The following CYP17A1 variants were observed in gnomAD, a reference collection of about 807,000 sequenced individuals.
The protein encoded by CYP17A1 is cytochrome P450 family 17 subfamily A member 1.
A neutral mutation model predicts 38.5 loss-of-function variants in CYP17A1; 27 were observed. That is an observed-to-expected ratio of 0.70 (90% CI 0.52 to 0.97). CYP17A1 has a LOEUF of 0.97. Among genes scored for constraint, CYP17A1 ranks in the 50% least tolerant of loss-of-function variants. The probability of loss-of-function intolerance (pLI) is 0.00; values close to 1 mark genes in which losing one functional copy is unlikely to be tolerated. For synonymous variants in CYP17A1, 263 were observed against 253.3 expected, an observed-to-expected ratio of 1.04 and a Z score of -0.36; for missense variants, 549 against 645.9, an observed-to-expected ratio of 0.85 and a Z score of 1.63.
At chr10:102,835,056 C>CCCTT in intron 2 of CYP17A1, 42 bp from the exon 3 acceptor site, 4 of 1,275,180 alleles carry the variant, frequency 3.1e-6, no homozygotes, top group Non-Finnish European at 4.5e-6. Context: ...TGAATCAGCA[C>CCCTT]CCTTACCCCC....
intron 2 of CYP17A1, 96 bp from the exon 3 acceptor site, chr10:102,835,110 C>A (rs1844143149): frequency 1.9e-6 from 2 of 1,073,546 alleles, no homozygotes; most frequent in African/African-American, 1.5e-5. Context: ...GGACAGATAG[C>A]AGATGGCCAC....
intron 4 of CYP17A1, 75 bp from the exon 5 acceptor site, chr10:102,833,283 C>G: frequency 6.2e-7 from 1 of 1,610,364 alleles, no homozygotes; most frequent in South Asian, 1.1e-5. Flanking sequence ...ACTTCTGTCC[C>G]TGACTAGAGA....
In CYP17A1 at chr10:102,834,095, AT is replaced by A; in HGVS notation, c.693del (p.Lys231AsnfsTer2). 3 of 1,325,768 alleles carry A rather than the reference AT, an allele frequency of 2.3e-6. No individual in the cohort carries two copies. Among genetic ancestry groups the A allele is most frequent in the Non-Finnish European group, 3.3e-6 (3 of 916,706 alleles). 82.1% of individuals were successfully genotyped at this position (1,325,768 alleles called of 1,614,324 possible). On this transcript the variant is annotated frameshift_variant, in exon 4 of 8. Transcript: ENST00000369887. LOFTEE classifies it high-confidence loss of function. ...LKIFPNKTLE[K>X]LKSHVKIRND... is the part of the protein sequence containing the mutation. ...TTTCGTATTTTAACATGGCTCTTTA[AT>A]TTTTCCAGGGTTTTGTTGGGGAAAA... is the stretch of plus-strand genomic sequence containing the variant.
At chr10:102,834,570 CATT>C (rs776244829) in intron 3 of CYP17A1, 1 of 638,476 alleles carries the variant, frequency 1.6e-6, no homozygotes, top group Non-Finnish European at 2.7e-6. Context: ...AAATGAAGGT[CATT>C]ATCTGGAGTA....
At position 102,831,497 on chromosome 10, in the gene CYP17A1, G is replaced by C; in HGVS notation, c.1243+11C>G. 6.2e-7 allele frequency: 1 copy of C among 1,613,752 alleles called. No homozygotes were observed. Among genetic ancestry groups the C allele is most frequent in the Non-Finnish European group, 8.5e-7 (1 of 1,180,014 alleles). On this transcript the variant is annotated intron_variant, in intron 7 of 7. Coordinates refer to ENST00000369887, the MANE Select transcript of CYP17A1 (RefSeq NM_000102.4). Reference sequence around the variant, plus strand: ...CTGTGTGGCCCAGGGCGCAGGACAGGACAGACTCACCAGGCATGAACTGAT... The same window carrying C: ...CTGTGTGGCCCAGGGCGCAGGACAGCACAGACTCACCAGGCATGAACTGAT...
intron 6 of CYP17A1, 184 bp from the exon 7 acceptor site, chr10:102,831,795 C>T (rs769944667): frequency 9.1e-7 from 1 of 1,103,298 alleles, no homozygotes; most frequent in Non-Finnish European, 1.3e-6. Context: ...CATCCCTTCC[C>T]TCCTAACAGG....
rs758961949 is a variant in CYP17A1, at chr10:102,835,377, C to T, written c.313G>A (p.Ala105Thr). 5 of 1,613,046 alleles carry T rather than the reference C, an allele frequency of 3.1e-6. No individual in the cohort carries two copies. The South Asian group carries it at 4.4e-5, about 14-fold the overall frequency. Residue 105 changes from alanine to threonine, a missense_variant, in exon 2 of 8, where the codon GCG (alanine) becomes ACG (threonine). Physicochemically the swap from Ala to Thr is moderately conservative, Grantham distance 58 (BLOSUM62 0). Around this residue, in one of 3 missense-constraint regions of CYP17A1, gnomAD observed 289 missense variants for 320.9 expected, o/e 0.90. Transcript: ENST00000369887. ...GCGATACCCTTACGGTTGTTGGACG[C>T]GATGTCTAGAGTTGCCTTTAGAGAG... ...GRPQMATLDI[A>T]SNNRKGIAFA...
chr10:102,835,141 GA>G, intron 2 of CYP17A1, 112 bp downstream of exon 2: 2 of 1,153,864 alleles, frequency 1.7e-6, no homozygotes, highest in Non-Finnish European at 2.6e-6. Flanking sequence ...CAGTAGCCAA[GA>G]AAAGGCTGCA....
chr10:102,835,233 A>C, intron 2 of CYP17A1, 21 bp downstream of exon 2: 1 of 1,606,376 alleles, frequency 6.2e-7, no homozygotes, highest in Non-Finnish European at 8.5e-7. Context: ...CCCCAGCCCC[A>C]GGGGCCAGCC....
rs202192337 is a variant in CYP17A1 at position 102,837,051 on chromosome 10, T to C, written c.297+14A>G. The C allele has an allele frequency of 5.3e-5, 80 of 1,522,556 alleles. No individual in the cohort carries two copies. The Middle Eastern group carries it at 6.2e-4, about 12-fold the overall frequency. The allele number at this position is 1,522,556 out of a possible 1,614,324, so 94.3% of individuals were successfully genotyped here. Reference sequence around the variant, plus strand: ...GGTGGTGAAGGGGGCAGGGAGGAGATGGGCACCACTTACCATTTGAGGCCG... The same window carrying C: ...GGTGGTGAAGGGGGCAGGGAGGAGACGGGCACCACTTACCATTTGAGGCCG... On this transcript the variant is annotated intron_variant, in intron 1 of 7. Coordinates refer to ENST00000369887, the MANE Select transcript of CYP17A1 (RefSeq NM_000102.4).
In CYP17A1 at chr10:102,833,078, G is replaced by A; in HGVS notation, c.884C>T (p.Thr295Ile). ...ELLSDNHILT[T>I]IGDIFGAGVE... is the part of the protein sequence containing the mutation. ...GCCAGCCCCAAAGATGTCCCCTATG[G>A]TGGTGAGAATGTGGTTATCTGAAAG... The change falls in exon 5 of 8, where the codon ACC (threonine) becomes ATC (isoleucine). Residue 295 changes from threonine to isoleucine, a missense_variant. By Grantham distance (89) the Thr-to-Ile change is moderately conservative. Coordinates refer to ENST00000369887, the MANE Select transcript of CYP17A1 (RefSeq NM_000102.4). The A allele has an allele frequency of 1.2e-6, 2 of 1,614,192 alleles. No individual in the cohort carries two copies. The highest frequency in any genetic ancestry group is 8.5e-7 in the Non-Finnish European group (1 of 1,180,024).
chr10:102,834,364 A>T (rs979764198), intron 3 of CYP17A1: 1 of 565,736 alleles, frequency 1.8e-6, no homozygotes, highest in Non-Finnish European at 3.3e-6. Flanking sequence ...TCAATCAAAC[A>T]TCAAGCGCTG....
intron 7 of CYP17A1, among the ~76,000 whole-genome samples, 171 bp downstream of exon 7, chr10:102,831,337 C>G (rs755733484): frequency 5.3e-5 from 8 of 152,120 alleles, no homozygotes; most frequent in Non-Finnish European, 8.8e-5. Flanking sequence ...GGAAACCCAG[C>G]TGTGAAGAGT....
chr10:102,830,714 C>T lies in CYP17A1; in HGVS notation c.1515G>A (p.Glu505=), dbSNP rs771156995. The change falls in exon 8 of 8, where the codon GAG becomes GAA. Residue 505 remains glutamate, a synonymous_variant. Coordinates refer to ENST00000369887, the MANE Select transcript of CYP17A1 (RefSeq NM_000102.4). This position sits in a 1 kb window ranked among gnomAD's most constrained non-coding sequence, Gnocchi z 4.1. ...TGAGTTACAGCCTTTAGGTGCTACC[C>T]TCAGCCTGGGCTTCCCTCCAGGCCT... ...VRQAWREAQA[E]GST The T allele has an allele frequency of 1.3e-6, 2 of 1,593,796 alleles. No homozygotes were observed. The highest frequency in any genetic ancestry group is 3.4e-5 in the Admixed American group (2 of 59,166).
rs121434319 is a variant in CYP17A1 at position 102,837,199 on chromosome 10, TGAA to T, written c.160_162del (p.Phe54del). 1.3e-5 allele frequency: 21 copies of T among 1,608,206 alleles called. No homozygotes were observed. The South Asian group carries it at 2.1e-4, about 16-fold the overall frequency. On this transcript the variant is annotated inframe_deletion, in exon 1 of 8. Transcript: ENST00000369887. ...ATGGGGCCATATTTTTTCTGCAGCT[TGAA>T]GAAGTTGTTATGCATATGGCCGTGT... is the stretch of plus-strand genomic sequence containing the variant.
Position 102,830,913 on chromosome 10 carries a change from G to T in CYP17A1, c.1316C>A (p.Pro439His). Reference sequence around the variant, plus strand: ...CAGGATCTCACCTATACAGGAGCGAGGTCCTGCTCCGAAGGGCAAATAGCT... The same window carrying T: ...CAGGATCTCACCTATACAGGAGCGATGTCCTGCTCCGAAGGGCAAATAGCT... ...SVSYLPFGAG[P>H]RSCIGEILAR... The change falls in exon 8 of 8, where the codon CCT becomes CAT. Residue 439 changes from proline (P) to histidine (H), a missense_variant. Coordinates refer to ENST00000369887, the MANE Select transcript of CYP17A1 (RefSeq NM_000102.4). This position sits in a 1 kb window ranked among gnomAD's most constrained non-coding sequence, Gnocchi z 4.1. The T allele has an allele frequency of 6.3e-7, 1 of 1,575,568 alleles. No individual in the cohort carries two copies. Among genetic ancestry groups the T allele is most frequent in the Admixed American group, 1.8e-5 (1 of 56,072 alleles).
In CYP17A1 at chr10:102,837,127, G is replaced by C. The variant is rs370973897; in HGVS notation, c.235C>G (p.His79Asp). ...ATAAGCACCTCCTTGGCCAGCTGGT[G>C]GTGGCCGACAATCACTGTAGTCTTG... ...GTKTTVIVGHHQLAKEVLIKK... is the reference protein window; with the variant it reads ...GTKTTVIVGHDQLAKEVLIKK... Residue 79 changes from histidine (H) to aspartate (D), a missense_variant, in exon 1 of 8, where the codon CAC becomes GAC. Coordinates refer to ENST00000369887, the MANE Select transcript of CYP17A1 (RefSeq NM_000102.4). 1.2e-5 allele frequency: 19 copies of C among 1,605,044 alleles called. No individual in the cohort carries two copies. Among genetic ancestry groups the C allele is most frequent in the African/African-American group, 4.0e-5 (3 of 74,752 alleles).
In CYP17A1 at chr10:102,833,034, C is replaced by G. The variant is rs1844112722; in HGVS notation, c.928G>C (p.Val310Leu). 1.2e-6 allele frequency: 2 copies of G among 1,614,190 alleles called. No individual in the cohort carries two copies. The highest frequency in any genetic ancestry group is 1.7e-6 in the Non-Finnish European group (2 of 1,180,038). Reference protein sequence around the residue: ...FGAGVETTTSVVKWTLAFLLH... With the variant: ...FGAGVETTTSLVKWTLAFLLH... ...AGGAAGGCCAGGGTCCATTTAACCA[C>G]AGAGGTGGTGGTCTCCACGCCAGCC... The change falls in exon 5 of 8, where the codon GTG becomes CTG. Residue 310 changes from valine to leucine, a missense_variant. Coordinates refer to ENST00000369887, the MANE Select transcript of CYP17A1 (RefSeq NM_000102.4).
At position 102,837,206 on chromosome 10, in the gene CYP17A1, G is replaced by A. The variant is rs1450264968; in HGVS notation, c.156C>T (p.Asn52=). 1.2e-6 allele frequency: 2 copies of A among 1,609,056 alleles called. No homozygotes were observed. The highest frequency in any genetic ancestry group is 2.7e-5 in the African/African-American group (2 of 74,956). ...CATATTTTTTCTGCAGCTTGAAGAA[G>A]TTGTTATGCATATGGCCGTGTCTGG... ...FLPRHGHMHN[N]FFKLQKKYGP... is the part of the protein sequence containing the mutation. Residue 52 remains asparagine (N), a synonymous_variant, in exon 1 of 8, where the codon AAC becomes AAT. Transcript: ENST00000369887.
Sources: gnomAD v4.1 joint callset for allele counts (sites outside exome capture counted in the v4.1 genomes callset) on GRCh38, gnomAD v4.1.1 for gene constraint, gnomAD v4.1.1 regional missense constraint, Gnocchi (gnomAD v3.1) non-coding constraint, MANE v1.5 for transcripts, NCBI Gene and HGNC (gene_info 2026-07-23, HGNC 2026-07-21) for gene names.